RGS6: variants seen among roughly 807,000 people sequenced by gnomAD.
RGS6 encodes regulator of G protein signaling 6.
RGS6 carries 30 observed loss-of-function variants against 78.5 expected under a neutral mutation model. The ratio of observed to expected loss-of-function variants is 0.38; its 90% CI spans 0.29 to 0.52. The LOEUF (loss-of-function observed/expected upper bound fraction) is 0.52. Ranked by LOEUF, RGS6 falls within the 20% of genes least tolerant of loss-of-function variation. RGS6 has a pLI of 0.85. For synonymous variants in RGS6, 206 were observed against 206.0 expected, an observed-to-expected ratio of 1.00 and a Z score of 0.00; for missense variants, 495 against 609.7, an observed-to-expected ratio of 0.81 and a Z score of 1.98.
intron 1 of RGS6, among the ~76,000 whole-genome samples, chr14:71,959,733 A>G (rs1045729447): frequency 1.3e-5 from 2 of 152,214 alleles, no homozygotes; most frequent in African/African-American, 2.4e-5. Context: ...ATCTGATGCC[A>G]GTGGCCTGGG....
At position 72,156,114 on chromosome 14, in the gene RGS6, C is replaced by T. The variant is rs144229290; in HGVS notation, c.84+191239C>T. 4.6e-3 allele frequency among the ~76,000 whole-genome samples: 696 copies of T among 152,218 alleles called. 6 individuals are homozygous for T. Among genetic ancestry groups the T allele is most frequent in the African/African-American group, 0.016 (656 of 41,558 alleles). On this transcript the variant is annotated intron_variant, in intron 2 of 17. Coordinates refer to ENST00000553525, the MANE Select transcript of RGS6 (RefSeq NM_001204424.2). The stretch of plus-strand genomic sequence containing the variant: ...TGAGCAGGTGGGTGGCCTTGCAAAC[C>T]GGGGTCTGAAGGGGCTGGTCAGCAA...
intron 2 of RGS6, among the ~76,000 whole-genome samples, chr14:72,041,719 C>T (rs1373864771): frequency 6.6e-6 from 1 of 152,092 alleles, no homozygotes; most frequent in Non-Finnish European, 1.5e-5. Flanking sequence ...TGCCTAGGGG[C>T]ACTGTGGTTT....
At chr14:72,145,470 C>T (rs1287208082) in intron 2 of RGS6, among the ~76,000 whole-genome samples, 1 of 152,068 alleles carries the variant, frequency 6.6e-6, no homozygotes, top group Non-Finnish European at 1.5e-5. Context: ...TCATAATTTC[C>T]TCAGTTAAAA....
intron 2 of RGS6, among the ~76,000 whole-genome samples, chr14:71,986,584 C>T (rs143782103): frequency 2.4e-4 from 36 of 151,846 alleles, no homozygotes; most frequent in African/African-American, 8.7e-4. Flanking sequence ...GTGGCGTGCA[C>T]CTGTAATCCC....
At chr14:72,358,940 T>C (rs747271935) in intron 3 of RGS6, among the ~76,000 whole-genome samples, 7 of 152,200 alleles carry the variant, frequency 4.6e-5, no homozygotes, top group Non-Finnish European at 7.4e-5. Context: ...AAGGATGCAG[T>C]GGGAGGTAAT....
intron 2 of RGS6, among the ~76,000 whole-genome samples, chr14:72,013,578 G>C (rs546398986): frequency 6.6e-6 from 1 of 152,272 alleles, no homozygotes; most frequent in Admixed American, 6.5e-5. Flanking sequence ...TTTATCACAG[G>C]CTCAGTGAGG....
At chr14:71,936,816 C>G (rs1213834078) in intron 1 of RGS6, among the ~76,000 whole-genome samples, 1 of 152,190 alleles carries the variant, frequency 6.6e-6, no homozygotes, top group African/African-American at 2.4e-5. Context: ...AGGAAATACT[C>G]TTGACAATTA....
intron 3 of RGS6, among the ~76,000 whole-genome samples, chr14:72,366,228 A>G (rs1005309570): frequency 6.6e-6 from 1 of 152,214 alleles, no homozygotes; most frequent in African/African-American, 2.4e-5. Context: ...ACAAACTCAT[A>G]GGTGAATTCA....
intron 13 of RGS6, among the ~76,000 whole-genome samples, chr14:72,498,533 T>C (rs1172484843): frequency 6.6e-6 from 1 of 152,182 alleles, no homozygotes; most frequent in Non-Finnish European, 1.5e-5. Flanking sequence ...TTTCTCACAA[T>C]TGAACATTGT....
chr14:72,023,650 T>A (rs756678202), intron 2 of RGS6, among the ~76,000 whole-genome samples: 7 of 152,154 alleles, frequency 4.6e-5, no homozygotes, highest in African/African-American at 1.7e-4. Flanking sequence ...AGAGGCAGTT[T>A]GAGTCATGAG....
chr14:72,025,082 A>G (rs1400641800), intron 2 of RGS6, among the ~76,000 whole-genome samples: 3 of 152,194 alleles, frequency 2.0e-5, no homozygotes, highest in Non-Finnish European at 2.9e-5. Context: ...ATGTTTCTGT[A>G]TATAAAGACA....
At chr14:72,535,399 T>C (rs1598830582) in intron 15 of RGS6, among the ~76,000 whole-genome samples, 1 of 152,218 alleles carries the variant, frequency 6.6e-6, no homozygotes, top group Non-Finnish European at 1.5e-5. Context: ...AATTAAACTT[T>C]TTATTTTGAG....
At chr14:72,041,993 G>A (rs547667495) in intron 2 of RGS6, among the ~76,000 whole-genome samples, 78 of 152,134 alleles carry the variant, frequency 5.1e-4, no homozygotes, top group African/African-American at 1.1e-3. Flanking sequence ...GTAAAATGGT[G>A]CTAGAATAGA....
intron 17 of RGS6, among the ~76,000 whole-genome samples, chr14:72,560,004 G>A (rs969552660): frequency 1.3e-5 from 2 of 152,158 alleles, no homozygotes; most frequent in African/African-American, 4.8e-5. Flanking sequence ...TAATAGGAAT[G>A]AGGCTGCAGT....
At chr14:72,614,759 C>G in the RGS6 span, among the ~76,000 whole-genome samples, 26,779 of 139,168 alleles carry the variant, frequency 0.19, 3,069 homozygotes, top group African/African-American at 0.31. Flanking sequence ...AATCTGTTGC[C>G]CAGGATCACA....
chr14:72,351,281 T>C (rs1236355094), intron 2 of RGS6, among the ~76,000 whole-genome samples: 1 of 152,250 alleles, frequency 6.6e-6, no homozygotes, highest in African/African-American at 2.4e-5. Context: ...TATCCTGTTC[T>C]GAAGATTTCT....
At chr14:72,294,840 C>G (rs2064380446) in intron 2 of RGS6, among the ~76,000 whole-genome samples, 1 of 152,124 alleles carries the variant, frequency 6.6e-6, no homozygotes, top group Non-Finnish European at 1.5e-5. Flanking sequence ...TCACCTCTTA[C>G]CAGGCCCTAT....
At chr14:72,022,272 C>G (rs183294124) in intron 2 of RGS6, 1 of 152,320 alleles carries the variant, frequency 6.6e-6, no homozygotes, top group African/African-American at 2.4e-5. Flanking sequence ...AGAATGATTT[C>G]TATTCCTCTG....
chr14:72,504,338 T>A (rs1429107948), intron 13 of RGS6, among the ~76,000 whole-genome samples: 1 of 152,248 alleles, frequency 6.6e-6, no homozygotes, highest in Non-Finnish European at 1.5e-5. Context: ...CGTTTTACTA[T>A]AAGTAGTCAG....
Sources: gnomAD v4.1 joint callset for allele counts (sites outside exome capture counted in the v4.1 genomes callset) on GRCh38, gnomAD v4.1.1 for gene constraint, MANE v1.5 for transcripts, NCBI Gene and HGNC (gene_info 2026-07-23, HGNC 2026-07-21) for gene names.